Variants in VAPB observed in about 807,000 individuals in gnomAD.
The protein encoded by VAPB is vesicle-associated membrane protein-associated protein B/C.
VAPB carries 7 observed loss-of-function variants against 25.6 expected under a neutral mutation model. The ratio of observed to expected loss-of-function variants is 0.27; its 90% CI spans 0.16 to 0.51. The LOEUF is 0.51. Ranked by LOEUF, VAPB falls within the 20% of genes least tolerant of loss-of-function variation. The pLI is 0.97. For missense variants in VAPB, 266 were observed against 301.3 expected, an observed-to-expected ratio of 0.88 and a Z score of 0.87; for synonymous variants, 112 against 109.2, an observed-to-expected ratio of 1.03 and a Z score of -0.16.
chr20:58,405,958 A>T (rs562599912), intron 1 of VAPB, among the ~76,000 whole-genome samples: 22 of 151,990 alleles, frequency 1.4e-4, no homozygotes, highest in African/African-American at 5.3e-4. Context: ...TTCTAGATTA[A>T]ATGTAGAGGA....
rs1297289898 is a variant in VAPB at position 58,437,154 on chromosome 20, T to TG, written c.316-1787dup. 3.0e-4 allele frequency among the ~76,000 whole-genome samples: 45 copies of TG among 151,970 alleles called. 1 individual carries two copies. The highest frequency in any genetic ancestry group is 2.4e-3 in the Admixed American group (36 of 15,270). On this transcript the variant is annotated intron_variant, in intron 3 of 5. Coordinates refer to ENST00000475243, the MANE Select transcript of VAPB (RefSeq NM_004738.5). ...CTATTTTTTTATTTTTTTATAGAGT[T>TG]GGGGTCTCACTATGTTGCCCAGGCT...
intron 1 of VAPB, among the ~76,000 whole-genome samples, chr20:58,414,713 C>A (rs999247797): frequency 6.6e-6 from 1 of 151,822 alleles, no homozygotes; most frequent in Non-Finnish European, 1.5e-5. Context: ...GGATGGCGGC[C>A]GGTCGGAGAC....
chr20:58,444,663 A>G lies in VAPB; in HGVS notation c.*428A>G, dbSNP rs1010538634. On this transcript the variant is annotated 3_prime_UTR_variant, in exon 6 of 6. Coordinates refer to ENST00000475243, the MANE Select transcript of VAPB (RefSeq NM_004738.5). ...GGGAGTGCGGTCAGCTCCACACAGTAGTCCCCACGTGGCCCACTCCCGGCC... is the reference window on the plus strand; with the variant it reads ...GGGAGTGCGGTCAGCTCCACACAGTGGTCCCCACGTGGCCCACTCCCGGCC... 1 of 454,606 alleles carries G rather than the reference A, an allele frequency of 2.2e-6. No homozygotes were observed. The highest frequency in any genetic ancestry group is 2.3e-5 in the Admixed American group (1 of 42,592). 28.2% of individuals were successfully genotyped at this position (454,606 alleles called of 1,614,324 possible).
intron 1 of VAPB, among the ~76,000 whole-genome samples, chr20:58,410,504 C>T (rs1241993324): frequency 6.6e-6 from 1 of 152,120 alleles, no homozygotes; most frequent in Non-Finnish European, 1.5e-5. Context: ...GTAACCTTCG[C>T]CTCCTGGGTT....
Position 58,449,452 on chromosome 20 carries a change from T to C in VAPB, c.*5217T>C, listed in dbSNP as rs1448745244. 5 of 449,704 alleles carry C rather than the reference T, an allele frequency of 1.1e-5. No individual in the cohort carries two copies. The highest frequency in any genetic ancestry group is 2.2e-5 in the Non-Finnish European group (5 of 225,686). The allele number at this position is 449,704 out of a possible 1,614,324, so 27.9% of individuals were successfully genotyped here. On this transcript the variant is annotated 3_prime_UTR_variant, in exon 6 of 6. Coordinates refer to ENST00000475243, the MANE Select transcript of VAPB (RefSeq NM_004738.5). Reference sequence around the variant, plus strand: ...AATATAATTACTTGAGATTTTTTTTTCTTAATGGAATTAGTTTATTAGAAA... The same window carrying C: ...AATATAATTACTTGAGATTTTTTTTCCTTAATGGAATTAGTTTATTAGAAA...
At chr20:58,400,300 A>G (rs1464063382) in intron 1 of VAPB, among the ~76,000 whole-genome samples, 1 of 152,144 alleles carries the variant, frequency 6.6e-6, no homozygotes, top group Non-Finnish European at 1.5e-5. Context: ...ACTTAAGTTT[A>G]TTTTAGCTGA....
intron 1 of VAPB, among the ~76,000 whole-genome samples, chr20:58,415,359 A>G (rs968028769): frequency 3.9e-5 from 6 of 152,266 alleles, no homozygotes; most frequent in African/African-American, 1.4e-4. Flanking sequence ...TTCACAGATG[A>G]GTATATGCAT....
intron 1 of VAPB, among the ~76,000 whole-genome samples, chr20:58,403,106 C>T (rs774622468): frequency 3.3e-5 from 5 of 152,146 alleles, no homozygotes; most frequent in Admixed American, 1.3e-4. Flanking sequence ...TATGTACAGC[C>T]GATCGATGTA....
At position 58,448,720 on chromosome 20, in the gene VAPB, T is replaced by C. The variant is rs188232883; in HGVS notation, c.*4485T>C. On this transcript the variant is annotated 3_prime_UTR_variant, in exon 6 of 6. Transcript: ENST00000475243. ...TATTTTCACACTAAAGTAAGTAGAA[T>C]TAAGACTGTAGTTCAGATGCTTTTT... is the stretch of plus-strand genomic sequence containing the variant. 1.3e-4 allele frequency: 57 copies of C among 453,996 alleles called. No individual in the cohort carries two copies. The Admixed American group carries it at 1.3e-3, about 11-fold the overall frequency. The allele number at this position is 453,996 out of a possible 1,614,324, so 28.1% of individuals were successfully genotyped here.
At chr20:58,437,893 C>T (rs1989083515) in intron 3 of VAPB, among the ~76,000 whole-genome samples, 1 of 152,128 alleles carries the variant, frequency 6.6e-6, no homozygotes, top group African/African-American at 2.4e-5. Flanking sequence ...CAGTAGCTGC[C>T]TCTTGCATGG....
intron 1 of VAPB, among the ~76,000 whole-genome samples, chr20:58,398,407 A>C (rs978372816): frequency 6.6e-6 from 1 of 152,050 alleles, no homozygotes; most frequent in Non-Finnish European, 1.5e-5. Flanking sequence ...TAGACAGATG[A>C]CTCCTTCTGG....
In VAPB at chr20:58,446,097, A is replaced by C. The variant is rs941021776; in HGVS notation, c.*1862A>C. 1 of 453,924 alleles carries C rather than the reference A, an allele frequency of 2.2e-6. No individual in the cohort carries two copies. The highest frequency in any genetic ancestry group is 4.4e-6 in the Non-Finnish European group (1 of 226,792). 28.1% of individuals were successfully genotyped at this position (453,924 alleles called of 1,614,324 possible). On this transcript the variant is annotated 3_prime_UTR_variant, in exon 6 of 6. Transcript: ENST00000475243. ...AAAAAGTTGACTTTGAATCCCAGGT[A>C]CTCACAGAAATGGTGAACAGACTTA...
In VAPB at chr20:58,434,624, T is replaced by C. The variant is rs1256194666; in HGVS notation, c.234T>C (p.Tyr78=). 1 of 1,585,216 alleles carries C rather than the reference T, an allele frequency of 6.3e-7. No individual in the cohort carries two copies. Among genetic ancestry groups the C allele is most frequent in the East Asian group, 2.2e-5 (1 of 44,744 alleles). The change falls in exon 3 of 6, where the codon TAT becomes TAC. Residue 78 remains tyrosine, a synonymous_variant. Transcript: ENST00000475243. The part of the protein sequence containing the change: ...NVSVMLQPFD[Y]DPNEKSKHKF... The stretch of plus-strand genomic sequence containing the variant: ...CAGTGATGTTACAGCCTTTCGATTA[T>C]GATCCCAATGAGAAAAGTAAACACA...
chr20:58,449,750 T>G lies in VAPB; in HGVS notation c.*5515T>G, dbSNP rs1412131986. 2.2e-6 allele frequency: 1 copy of G among 454,100 alleles called. No individual in the cohort carries two copies. The highest frequency in any genetic ancestry group is 1.6e-5 in the South Asian group (1 of 64,474). 28.1% of individuals were successfully genotyped at this position (454,100 alleles called of 1,614,324 possible). ...TTGCTTTATTACACCCCAGGGCTGA[T>G]GGAGATGTAATCACTTGGCTAATGG... On this transcript the variant is annotated 3_prime_UTR_variant, in exon 6 of 6. Coordinates refer to ENST00000475243, the MANE Select transcript of VAPB (RefSeq NM_004738.5).
chr20:58,400,671 TC>T (rs1988075756), intron 1 of VAPB, among the ~76,000 whole-genome samples: 1 of 152,230 alleles, frequency 6.6e-6, no homozygotes, highest in Non-Finnish European at 1.5e-5. Flanking sequence ...CTTCTTGTTT[TC>T]TTTTCCGAGT....
rs1434062276 is a variant in VAPB at position 58,450,582 on chromosome 20, TC to T, written c.*6349del. ...AACTAAAAATGATCTATTTCAGTGT[TC>T]CTTTCGCCTTTCCTCTGCTTTCTGA... On this transcript the variant is annotated 3_prime_UTR_variant, in exon 6 of 6. Transcript: ENST00000475243. 4.4e-6 allele frequency: 2 copies of T among 454,040 alleles called. No homozygotes were observed. Among genetic ancestry groups the T allele is most frequent in the Non-Finnish European group, 8.8e-6 (2 of 226,810 alleles). 28.1% of individuals were successfully genotyped at this position (454,040 alleles called of 1,614,324 possible).
At position 58,444,364 on chromosome 20, in the gene VAPB, C is replaced by T; in HGVS notation, c.*129C>T. 7.6e-7 allele frequency: 1 copy of T among 1,310,938 alleles called. No individual in the cohort carries two copies. The highest frequency in any genetic ancestry group is 1.1e-6 in the Non-Finnish European group (1 of 912,358). The allele number at this position is 1,310,938 out of a possible 1,614,324, so 81.2% of individuals were successfully genotyped here. On this transcript the variant is annotated 3_prime_UTR_variant, in exon 6 of 6. Transcript: ENST00000475243. ...TCTCACAGGTCTTGCCTTTAAATTACCCCTCCCTGCACACACATACACAGA... is the reference window on the plus strand; with the variant it reads ...TCTCACAGGTCTTGCCTTTAAATTATCCCTCCCTGCACACACATACACAGA...
At position 58,451,093 on chromosome 20, in the gene VAPB, A is replaced by G. The variant is rs1199657063; in HGVS notation, c.*6858A>G. 5.8e-5 allele frequency: 23 copies of G among 394,630 alleles called. No individual in the cohort carries two copies. The Admixed American group carries it at 7.3e-4, about 13-fold the overall frequency. 24.4% of individuals were successfully genotyped at this position (394,630 alleles called of 1,614,324 possible). On this transcript the variant is annotated 3_prime_UTR_variant, in exon 6 of 6. Transcript: ENST00000475243. The stretch of plus-strand genomic sequence containing the variant: ...GTTCAATAAATTCTGTGCTCTGAAT[A>G]TATTTAAAGGATGCTTCAGTGTAAA...
At chr20:58,422,007 C>T (rs1030183029) in intron 2 of VAPB, among the ~76,000 whole-genome samples, 6 of 152,176 alleles carry the variant, frequency 3.9e-5, no homozygotes, top group Non-Finnish European at 7.3e-5. Flanking sequence ...AAAAAAACTC[C>T]CTTTTATAAA....
Sources: gnomAD v4.1 joint callset for allele counts (sites outside exome capture counted in the v4.1 genomes callset) on GRCh38, gnomAD v4.1.1 for gene constraint, MANE v1.5 for transcripts, NCBI Gene and HGNC (gene_info 2026-07-23, HGNC 2026-07-21) for gene names.